RBFOX1: variants seen among roughly 807,000 people sequenced by gnomAD.
The protein encoded by RBFOX1 is RNA binding fox-1 homolog 1.
In RBFOX1, 8 loss-of-function variants were observed where a neutral mutation model predicts 57.7. The observed-to-expected ratio is 0.14, with a 90% confidence interval of 0.08 to 0.25. The LOEUF (loss-of-function observed/expected upper bound fraction) is 0.25. Ranked by LOEUF, RBFOX1 falls within the 10% of genes least tolerant of loss-of-function variation. The pLI, the probability that RBFOX1 is intolerant of heterozygous loss-of-function variation, is 1.00. For missense variants in RBFOX1, 611 were observed against 548.5 expected, an observed-to-expected ratio of 1.11 and a Z score of -1.14; for synonymous variants, 326 against 222.4, an observed-to-expected ratio of 1.47 and a Z score of -4.15.
At chr16:6,603,563 G>A (rs1051498572) in intron 2 of RBFOX1, among the ~76,000 whole-genome samples, 29 of 152,190 alleles carry the variant, frequency 1.9e-4, no homozygotes, top group Non-Finnish European at 7.4e-5. Flanking sequence ...CACACTCCAT[G>A]ATTCTGAGCC....
intron 3 of RBFOX1, among the ~76,000 whole-genome samples, chr16:6,966,927 CCATCCATCCATT>C (rs1398655814): frequency 5.8e-4 from 86 of 148,502 alleles, no homozygotes; most frequent in African/African-American, 2.0e-3. Context: ...ATCCATCCAT[CCATCCATCCATT>C]GGCCTACCTA....
chr16:7,494,486 C>G (rs374250358), intron 4 of RBFOX1, among the ~76,000 whole-genome samples: 1 of 152,098 alleles, frequency 6.6e-6, no homozygotes, highest in Non-Finnish European at 1.5e-5. Context: ...ATTTTCCTAA[C>G]CCCCTGCACA....
At chr16:6,212,548 A>T (rs1337134086) in intron 1 of RBFOX1, among the ~76,000 whole-genome samples, 1 of 152,110 alleles carries the variant, frequency 6.6e-6, no homozygotes, top group South Asian at 2.1e-4. Context: ...TCTACTAAAA[A>T]TACAAAAAAT....
At chr16:7,635,088 G>A (rs1218302056) in intron 11 of RBFOX1, among the ~76,000 whole-genome samples, 1 of 152,164 alleles carries the variant, frequency 6.6e-6, no homozygotes. Flanking sequence ...GTGTATTATT[G>A]CCAGCGCTGT....
intron 2 of RBFOX1, among the ~76,000 whole-genome samples, chr16:6,595,384 CAATTT>C (rs1309636189): frequency 6.6e-6 from 1 of 152,146 alleles, no homozygotes; most frequent in Non-Finnish European, 1.5e-5. Flanking sequence ...TACCATGTGT[CAATTT>C]AATTCACGTT....
intron 3 of RBFOX1, among the ~76,000 whole-genome samples, chr16:6,770,802 A>G (rs1039278073): frequency 2.0e-5 from 3 of 152,124 alleles, no homozygotes; most frequent in Non-Finnish European, 2.9e-5. Flanking sequence ...TCTTTATATG[A>G]CAGGGAGGAA....
At chr16:5,577,765 A>C (rs2046517702) in intron 2 of RBFOX1, among the ~76,000 whole-genome samples, 1 of 152,204 alleles carries the variant, frequency 6.6e-6, no homozygotes, top group Non-Finnish European at 1.5e-5. Flanking sequence ...AAAACTAAAA[A>C]GTCGTGTTCA....
chr16:5,402,730 C>A (rs185469871), intron 1 of RBFOX1, among the ~76,000 whole-genome samples: 2,342 of 152,170 alleles, frequency 0.015, 33 homozygotes, highest in Non-Finnish European at 0.025. Context: ...TTAAAGAGAC[C>A]CTCTTAAGTG....
At position 6,249,561 on chromosome 16, in the gene RBFOX1, G is replaced by A. The variant is rs78246281; in HGVS notation, c.-126-67434G>A. ...AAACAAAAAAACAAAAACCAGAGGA[G>A]AGACTGGTATTTTAGAGGACCTGAA... On this transcript the variant is annotated intron_variant, in intron 1 of 15. Transcript: ENST00000550418. Among the ~76,000 whole-genome samples the A allele has an allele frequency of 4.8e-3, 734 of 152,108 alleles. 10 individuals carry two copies. The highest frequency in any genetic ancestry group is 0.017 in the African/African-American group (713 of 41,508).
At chr16:5,530,779 G>C (rs1244890395) in intron 2 of RBFOX1, among the ~76,000 whole-genome samples, 1 of 151,894 alleles carries the variant, frequency 6.6e-6, no homozygotes, top group Non-Finnish European at 1.5e-5. Flanking sequence ...ACTGCTCTAG[G>C]GGAGTCCCTT....
At chr16:6,924,317 G>T (rs1053832974) in intron 3 of RBFOX1, among the ~76,000 whole-genome samples, 1 of 152,046 alleles carries the variant, frequency 6.6e-6, no homozygotes, top group Non-Finnish European at 1.5e-5. Context: ...CCTCAGGGAG[G>T]TTCCACTCAT....
intron 1 of RBFOX1, among the ~76,000 whole-genome samples, chr16:6,313,519 A>C (rs112980702): frequency 1.3e-5 from 2 of 152,236 alleles, no homozygotes; most frequent in African/African-American, 4.8e-5. Flanking sequence ...AAAAAACTAC[A>C]TTCTGGCTGT....
At chr16:6,827,122 C>T (rs2092252551) in intron 3 of RBFOX1, among the ~76,000 whole-genome samples, 2 of 152,132 alleles carry the variant, frequency 1.3e-5, no homozygotes, top group South Asian at 2.1e-4. Context: ...AATCTAACAC[C>T]AGTGAATATA....
intron 4 of RBFOX1, among the ~76,000 whole-genome samples, chr16:7,455,558 G>A (rs768244883): frequency 2.6e-5 from 4 of 152,046 alleles, no homozygotes; most frequent in South Asian, 4.2e-4. Flanking sequence ...TTGAGAGGCC[G>A]AGGAGGGCAG....
At chr16:6,008,001 T>A (rs990333040) in intron 4 of RBFOX1, among the ~76,000 whole-genome samples, 2 of 152,050 alleles carry the variant, frequency 1.3e-5, no homozygotes, top group Non-Finnish European at 2.9e-5. Context: ...TCACTTGAGG[T>A]CAGGAGTTTT....
At chr16:5,342,345 A>G (rs1175918658) in intron 1 of RBFOX1, among the ~76,000 whole-genome samples, 1 of 152,120 alleles carries the variant, frequency 6.6e-6, no homozygotes, top group Admixed American at 6.5e-5. Context: ...CAAAGAGCTG[A>G]GAAAGCCTTG....
At chr16:5,873,459 C>T (rs754942183) in intron 4 of RBFOX1, among the ~76,000 whole-genome samples, 4 of 152,190 alleles carry the variant, frequency 2.6e-5, no homozygotes, top group Non-Finnish European at 5.9e-5. Flanking sequence ...TTGAAGCCAG[C>T]ACCAAAGAAT....
At chr16:7,018,127 G>T (rs2094007637) in intron 3 of RBFOX1, among the ~76,000 whole-genome samples, 1 of 152,090 alleles carries the variant, frequency 6.6e-6, no homozygotes, top group African/African-American at 2.4e-5. Context: ...CTTAGGAAGG[G>T]AAGCCCATCT....
intron 3 of RBFOX1, among the ~76,000 whole-genome samples, chr16:6,659,247 A>C (rs1282632338): frequency 6.7e-5 from 3 of 44,496 alleles, no homozygotes; most frequent in Non-Finnish European, 1.4e-4. Flanking sequence ...CCATTTTATA[A>C]ACACAGACAG....
Sources: allele counts gnomAD v4.1 joint callset (sites outside exome capture counted in the v4.1 genomes callset), GRCh38; gene constraint gnomAD v4.1.1; transcripts MANE v1.5; gene names NCBI Gene and HGNC (gene_info 2026-07-23, HGNC 2026-07-21).